The following CAPN14 variants were observed in gnomAD, a reference collection of about 807,000 sequenced individuals.
The protein encoded by CAPN14 is calpain-14.
In CAPN14, 94 loss-of-function variants were observed where a neutral mutation model predicts 101.3. The ratio of observed to expected loss-of-function variants is 0.93; its 90% CI spans 0.79 to 1.10. The LOEUF is 1.10. Among genes scored for constraint, CAPN14 ranks in the 50% least tolerant of loss-of-function variants. The pLI is 0.00. For synonymous variants in CAPN14, 338 were observed against 317.9 expected, an observed-to-expected ratio of 1.06 and a Z score of -0.67; for missense variants, 837 against 828.4, an observed-to-expected ratio of 1.01 and a Z score of -0.13.
intron 8 of CAPN14, 69 bp from the exon 9 acceptor site, chr2:31,194,552 A>C (rs1334632771): frequency 1.0e-6 from 1 of 995,520 alleles, no homozygotes; most frequent in Admixed American, 2.1e-5. Flanking sequence ...AAGGCTCTAT[A>C]GTGTCATTAT....
At chr2:31,207,115 G>T (rs1331210626) in intron 1 of CAPN14, among the ~76,000 whole-genome samples, 1 of 152,176 alleles carries the variant, frequency 6.6e-6, no homozygotes, top group Non-Finnish European at 1.5e-5. Flanking sequence ...GGGACAGAAT[G>T]TACATGCCCT....
At chr2:31,181,386 TTTTC>T (rs1553390499) in intron 16 of CAPN14, among the ~76,000 whole-genome samples, 1 of 131,202 alleles carries the variant, frequency 7.6e-6, no homozygotes, top group Non-Finnish European at 1.6e-5. Context: ...TCTTTTCTTT[TTTTC>T]TTTCTTTTTT....
intron 1 of CAPN14, among the ~76,000 whole-genome samples, chr2:31,206,271 A>C (rs1682087734): frequency 1.3e-5 from 2 of 152,158 alleles, no homozygotes. Flanking sequence ...GCTCCGGGTC[A>C]AGGGTAAAAC....
chr2:31,185,910 C>A (rs1464806468), intron 16 of CAPN14, among the ~76,000 whole-genome samples: 1 of 152,142 alleles, frequency 6.6e-6, no homozygotes, highest in African/African-American at 2.4e-5. Context: ...TTTATATGGA[C>A]TTTAAGCCTT....
At chr2:31,185,678 C>A (rs933624151) in intron 16 of CAPN14, among the ~76,000 whole-genome samples, 21 of 152,250 alleles carry the variant, frequency 1.4e-4, no homozygotes, top group Admixed American at 1.2e-3. Context: ...CTTTGAGAAG[C>A]CTTTTGCAAA....
At chr2:31,189,649 G>C (rs1161064102) in intron 12 of CAPN14, 171 bp from the exon 13 acceptor site, 2 of 697,192 alleles carry the variant, frequency 2.9e-6, no homozygotes, top group Admixed American at 2.0e-5. Flanking sequence ...ACCAGAATAT[G>C]TGTGTGGAGG....
intron 16 of CAPN14, 25 bp from the exon 17 acceptor site, chr2:31,181,025 A>G (rs751785811): frequency 2.8e-5 from 44 of 1,548,452 alleles, no homozygotes; most frequent in Non-Finnish European, 3.6e-5. Context: ...AAGAGTCCAC[A>G]TGGGGGCTGG....
Position 31,191,418 on chromosome 2 carries a change from A to C in CAPN14, c.1279-11T>G. The C allele has an allele frequency of 1.3e-6, 2 of 1,541,290 alleles. No individual in the cohort carries two copies. The highest frequency in any genetic ancestry group is 1.7e-6 in the Non-Finnish European group (2 of 1,145,300). On this transcript the variant is annotated splice_polypyrimidine_tract_variant and intron_variant, in intron 11 of 21. Coordinates refer to ENST00000403897, the MANE Select transcript of CAPN14 (RefSeq NM_001145122.2). Reference sequence around the variant, plus strand: ...ACTCACCTTGTTCATCTAAAAAACAAAAACAAAAACAGAAAAAAAAAAAAA... The same window carrying C: ...ACTCACCTTGTTCATCTAAAAAACACAAACAAAAACAGAAAAAAAAAAAAA...
chr2:31,196,722 A>C (rs1681487042), intron 8 of CAPN14, among the ~76,000 whole-genome samples: 2 of 152,162 alleles, frequency 1.3e-5, no homozygotes, highest in Non-Finnish European at 2.9e-5. Flanking sequence ...GGCAGAAACA[A>C]CCTAAATGTA....
Position 31,188,245 on chromosome 2 carries a change from C to T in CAPN14, c.1530+73G>A, listed in dbSNP as rs751865594. 35 of 1,369,868 alleles carry T rather than the reference C, an allele frequency of 2.6e-5. No individual in the cohort carries two copies. The African/African-American group carries it at 3.6e-4, about 14-fold the overall frequency. 84.9% of individuals were successfully genotyped at this position (1,369,868 alleles called of 1,614,324 possible). ...CATATCTCCTCCCCTGACTCCTTAA[C>T]TTGAAGGGAGAAACCCAACACCCTG... On this transcript the variant is annotated intron_variant, in intron 14 of 21. Transcript: ENST00000403897.
intron 1 of CAPN14, among the ~76,000 whole-genome samples, chr2:31,233,209 G>A (rs1683246826): frequency 6.6e-6 from 1 of 152,138 alleles, no homozygotes; most frequent in Non-Finnish European, 1.5e-5. Flanking sequence ...ATTGCTATTG[G>A]TTCCCCATCT....
At position 31,198,787 on chromosome 2, in the gene CAPN14, G is replaced by A. The variant is rs1034721727; in HGVS notation, c.789+683C>T. Among the ~76,000 whole-genome samples, 3 of 152,182 alleles carry A rather than the reference G, an allele frequency of 2.0e-5. No homozygotes were observed. In the South Asian group the frequency reaches 6.2e-4, roughly 32 times the overall value. ...TGCTGACTTCTTATCTCCATGCTTT[G>A]CTTACACTGCTCCCTCCACCAGAAT... On this transcript the variant is annotated intron_variant, in intron 7 of 21. Coordinates refer to ENST00000403897, the MANE Select transcript of CAPN14 (RefSeq NM_001145122.2).
chr2:31,190,081 C>T (rs734281), intron 12 of CAPN14, among the ~76,000 whole-genome samples: 43,039 of 151,636 alleles, frequency 0.28, 7,626 homozygotes, highest in African/African-American at 0.49. Context: ...CTCAGAAGAC[C>T]AAAATCAGGG....
upstream of CAPN14, among the ~76,000 whole-genome samples, chr2:31,222,344 G>C (rs1682884626): frequency 3.3e-5 from 5 of 152,128 alleles, no homozygotes; most frequent in Non-Finnish European, 1.5e-5. Flanking sequence ...CGAACACATA[G>C]CAACCTTCAC....
chr2:31,188,023 A>G (rs1247497170), intron 14 of CAPN14, among the ~76,000 whole-genome samples: 1 of 152,238 alleles, frequency 6.6e-6, no homozygotes, highest in Non-Finnish European at 1.5e-5. Context: ...TGAAATGGAC[A>G]AAAGAAACAC....
chr2:31,181,386 T>TTATCTTTC (rs1171284901), intron 16 of CAPN14, among the ~76,000 whole-genome samples: 5 of 131,202 alleles, frequency 3.8e-5, no homozygotes, highest in Admixed American at 7.9e-5. Context: ...TCTTTTCTTT[T>TTATCTTTC]TTTCTTTCTT....
At chr2:31,218,586 C>T, upstream of CAPN14, among the ~76,000 whole-genome samples, 1 of 152,196 alleles carries the variant, frequency 6.6e-6, no homozygotes. Context: ...GCACTTATGA[C>T]ATGCCAAGCA....
intron 1 of CAPN14, among the ~76,000 whole-genome samples, chr2:31,229,306 T>G (rs1156998806): frequency 6.6e-6 from 1 of 152,162 alleles, no homozygotes; most frequent in Admixed American, 6.5e-5. Flanking sequence ...TACAAAAACA[T>G]GTGTTAAGTT....
chr2:31,221,575 G>C (rs1682863487), upstream of CAPN14, among the ~76,000 whole-genome samples: 1 of 151,688 alleles, frequency 6.6e-6, no homozygotes, highest in African/African-American at 2.4e-5. Context: ...TTTTGGCTTT[G>C]TTTTCCTTCT....
Sources: allele counts gnomAD v4.1 joint callset (sites outside exome capture counted in the v4.1 genomes callset), GRCh38; gene constraint gnomAD v4.1.1; transcripts MANE v1.5; gene names NCBI Gene and HGNC (gene_info 2026-07-23, HGNC 2026-07-21).